STK39: variants seen among roughly 807,000 people sequenced by gnomAD.
STK39 encodes STE20/SPS1-related proline-alanine-rich protein kinase.
Under a neutral mutation model 77.8 loss-of-function variants are expected in STK39, and 20 were observed. The ratio of observed to expected loss-of-function variants is 0.26; its 90% CI spans 0.18 to 0.37. The LOEUF (loss-of-function observed/expected upper bound fraction) is 0.37. Ranked by LOEUF, STK39 falls within the 10% of genes least tolerant of loss-of-function variation. The probability of loss-of-function intolerance (pLI) is 1.00; values close to 1 mark genes in which losing one functional copy is unlikely to be tolerated. For missense variants in STK39, 479 were observed against 656.5 expected (o/e 0.73, Z 2.95); for synonymous variants, 246 against 234.1 (o/e 1.05, Z -0.47).
chr2:168,065,452 G>T (rs1200743075), intron 12 of STK39, 71 bp from the exon 13 acceptor site: 4 of 1,477,454 alleles, frequency 2.7e-6, no homozygotes, highest in Non-Finnish European at 3.8e-6. Context: ...GTTACATTAA[G>T]TCCCAATTAT....
chr2:168,230,934 C>G (rs1292101049), intron 1 of STK39, among the ~76,000 whole-genome samples: 1 of 152,152 alleles, frequency 6.6e-6, no homozygotes, highest in East Asian at 1.9e-4. Flanking sequence ...ATGAGCCCGT[C>G]CATTTTCTCC....
intron 1 of STK39, among the ~76,000 whole-genome samples, chr2:168,236,043 A>G (rs940019855): frequency 6.6e-6 from 1 of 151,890 alleles, no homozygotes; most frequent in Admixed American, 6.6e-5. Flanking sequence ...GACTTCCACA[A>G]TGGTTGAACT....
intron 10 of STK39, among the ~76,000 whole-genome samples, chr2:168,099,474 G>T (rs950689929): frequency 2.6e-5 from 4 of 152,130 alleles, no homozygotes; most frequent in African/African-American, 9.7e-5. Context: ...TCTAAGAAAA[G>T]AAAGCTATTC....
At chr2:168,202,023 G>A (rs1283472800) in intron 1 of STK39, among the ~76,000 whole-genome samples, 2 of 152,220 alleles carry the variant, frequency 1.3e-5, no homozygotes, top group African/African-American at 2.4e-5. Flanking sequence ...AGCCAGAGCT[G>A]GGGCTTCCTG....
At chr2:168,220,789 T>A (rs1181329862) in intron 1 of STK39, among the ~76,000 whole-genome samples, 2 of 152,208 alleles carry the variant, frequency 1.3e-5, no homozygotes, top group African/African-American at 2.4e-5. Context: ...ATTGAACATG[T>A]GTCCGACTGA....
chr2:167,955,243 T>A lies in STK39; in HGVS notation c.*253A>T, dbSNP rs566999743. The A allele has an allele frequency of 6.3e-6, 2 of 316,658 alleles. No individual in the cohort carries two copies. Among genetic ancestry groups the A allele is most frequent in the South Asian group, 8.2e-5 (1 of 12,186 alleles). The allele number at this position is 316,658 out of a possible 1,614,324, so 19.6% of individuals were successfully genotyped here. A position where few individuals can be genotyped will look rare whatever the true frequency, so the allele number is the denominator to read the frequency against. On this transcript the variant is annotated 3_prime_UTR_variant, in exon 18 of 18. Coordinates refer to ENST00000355999, the MANE Select transcript of STK39 (RefSeq NM_013233.3). The stretch of plus-strand genomic sequence containing the variant: ...TAGCTTTTGGAAAAATGAGCAACAG[T>A]CGTGCAGCTGTGGCATTTGCTTGTT...
intron 10 of STK39, among the ~76,000 whole-genome samples, chr2:168,119,120 C>T (rs1052274407): frequency 3.3e-5 from 5 of 152,132 alleles, no homozygotes; most frequent in Admixed American, 6.5e-5. Flanking sequence ...ATTCCCAAGG[C>T]ACATGGTCGG....
intron 1 of STK39, among the ~76,000 whole-genome samples, chr2:168,211,782 C>T (rs1242753895): frequency 1.3e-5 from 2 of 152,150 alleles, no homozygotes; most frequent in Admixed American, 6.5e-5. Flanking sequence ...TGTGCAAACA[C>T]CTCCTCTTTC....
chr2:168,018,085 A>G (rs979812053), intron 14 of STK39, among the ~76,000 whole-genome samples: 20 of 152,350 alleles, frequency 1.3e-4, no homozygotes, highest in Admixed American at 3.9e-4. Context: ...AATTAATTTT[A>G]AGAAATGATA....
At chr2:168,086,813 T>A (rs1686378743) in intron 10 of STK39, among the ~76,000 whole-genome samples, 2 of 152,206 alleles carry the variant, frequency 1.3e-5, no homozygotes, top group African/African-American at 4.8e-5. Flanking sequence ...GAGAATGTTC[T>A]GGAAGTTGGA....
At chr2:168,077,752 C>A (rs754530252) in intron 10 of STK39, among the ~76,000 whole-genome samples, 1 of 151,990 alleles carries the variant, frequency 6.6e-6, no homozygotes, top group African/African-American at 2.4e-5. Flanking sequence ...ACCAAAGGGA[C>A]GGGAAATCAA....
intron 14 of STK39, among the ~76,000 whole-genome samples, chr2:168,033,665 T>C (rs1355978889): frequency 6.6e-6 from 1 of 152,214 alleles, no homozygotes; most frequent in Non-Finnish European, 1.5e-5. Context: ...AACAGCCTCT[T>C]TTCTGACTCC....
intron 10 of STK39, among the ~76,000 whole-genome samples, chr2:168,119,178 ATG>A (rs1687342106): frequency 2.0e-5 from 3 of 152,316 alleles, no homozygotes; most frequent in Admixed American, 2.0e-4. Context: ...GAGAGAGGAC[ATG>A]TGCACTCAGG....
chr2:168,005,067 G>A (rs1298245814), intron 16 of STK39, among the ~76,000 whole-genome samples: 5 of 142,196 alleles, frequency 3.5e-5, no homozygotes, highest in Non-Finnish European at 4.5e-5. Context: ...GTGCAGCGGC[G>A]CGATCTCAGC....
At chr2:168,201,748 A>G (rs1574550903) in intron 1 of STK39, among the ~76,000 whole-genome samples, 1 of 151,226 alleles carries the variant, frequency 6.6e-6, no homozygotes, top group East Asian at 1.9e-4. Flanking sequence ...AATCAAAACC[A>G]CCCCCCTTCT....
intron 10 of STK39, among the ~76,000 whole-genome samples, chr2:168,112,373 G>C (rs1177335093): frequency 6.6e-6 from 1 of 152,020 alleles, no homozygotes; most frequent in African/African-American, 2.4e-5. Flanking sequence ...GAGGGGGCTG[G>C]TTGGGGGTGA....
chr2:168,247,212 C>A lies in STK39; in HGVS notation c.208+16G>T, dbSNP rs931390001. On this transcript the variant is annotated intron_variant, in intron 1 of 17. Transcript: ENST00000355999. ...CGCCCGGCCTGTGCCGGCCCCGCCG[C>A]GCCCGCCGCACTGACCGATAACCTC... The A allele has an allele frequency of 1.7e-6, 2 of 1,198,962 alleles. No homozygotes were observed. Among genetic ancestry groups the A allele is most frequent in the African/African-American group, 1.6e-5 (1 of 61,434 alleles). 74.3% of individuals were successfully genotyped at this position (1,198,962 alleles called of 1,614,324 possible).
At chr2:168,247,204 C>A (rs1690943698) in intron 1 of STK39, 24 bp downstream of exon 1, 2 of 1,191,024 alleles carry the variant, frequency 1.7e-6, no homozygotes, top group Non-Finnish European at 1.0e-6. Context: ...CCTGTGCCGG[C>A]CCCGCCGCGC....
chr2:168,005,069 G>A (rs1019055870), intron 16 of STK39, among the ~76,000 whole-genome samples: 6 of 140,454 alleles, frequency 4.3e-5, no homozygotes, highest in South Asian at 4.5e-4. Flanking sequence ...GCAGCGGCGC[G>A]ATCTCAGCTC....
Sources: allele counts gnomAD v4.1 joint callset (sites outside exome capture counted in the v4.1 genomes callset), GRCh38; gene constraint gnomAD v4.1.1; transcripts MANE v1.5; gene names NCBI Gene and HGNC (gene_info 2026-07-23, HGNC 2026-07-21).